The following LPP variants were observed in gnomAD, a reference collection of about 807,000 sequenced individuals.
LPP encodes the protein LIM domain containing preferred translocation partner in lipoma.
LPP carries 38 observed loss-of-function variants against 60.4 expected under a neutral mutation model. That is an observed-to-expected ratio of 0.63 (90% CI 0.49 to 0.83). LPP has a LOEUF of 0.83. Ranked by LOEUF, LPP falls within the 40% of genes least tolerant of loss-of-function variation. The pLI is 0.00. For synonymous variants in LPP, 328 were observed against 290.8 expected (o/e 1.13, Z -1.30); for missense variants, 902 against 783.6 (o/e 1.15, Z -1.80).
chr3:188,615,598 C>A (rs368542533), intron 7 of LPP, among the ~76,000 whole-genome samples: 1 of 152,128 alleles, frequency 6.6e-6, no homozygotes, highest in South Asian at 2.1e-4. Context: ...ACATTGTGTT[C>A]ACTTTGAAGA....
intron 1 of LPP, among the ~76,000 whole-genome samples, chr3:188,169,391 G>A (rs573091090): frequency 7.2e-5 from 11 of 152,286 alleles, no homozygotes; most frequent in African/African-American, 2.4e-4. Flanking sequence ...ATTCAGACAA[G>A]GCCCCTGCTC....
chr3:188,247,011 G>T (rs12486583), intron 2 of LPP: 20,726 of 169,166 alleles, frequency 0.12, 1,381 homozygotes, highest in African/African-American at 0.16. Flanking sequence ...AATAGAAAAA[G>T]AATTCTACTC....
intron 9 of LPP, among the ~76,000 whole-genome samples, chr3:188,856,062 C>T (rs1223264547): frequency 6.6e-6 from 1 of 152,152 alleles, no homozygotes; most frequent in Non-Finnish European, 1.5e-5. Context: ...TAAGATGGGG[C>T]TTCACAGGCG....
At chr3:188,622,203 G>A (rs1453927428) in intron 7 of LPP, among the ~76,000 whole-genome samples, 4 of 152,032 alleles carry the variant, frequency 2.6e-5, no homozygotes, top group Non-Finnish European at 5.9e-5. Flanking sequence ...TCACACCAGT[G>A]TCACTCATCT....
chr3:188,491,182 A>G (rs1175546669), intron 5 of LPP, among the ~76,000 whole-genome samples: 1 of 152,230 alleles, frequency 6.6e-6, no homozygotes, highest in Non-Finnish European at 1.5e-5. Context: ...TTCATTCATG[A>G]ACTCACAGAA....
chr3:188,731,331 C>T (rs573938957), intron 8 of LPP, among the ~76,000 whole-genome samples: 4 of 152,134 alleles, frequency 2.6e-5, no homozygotes, highest in Non-Finnish European at 5.9e-5. Flanking sequence ...GGTATTTCCA[C>T]TGTGGGAAAG....
At chr3:188,506,175 CAT>C (rs1409007070) in intron 5 of LPP, among the ~76,000 whole-genome samples, 2 of 152,176 alleles carry the variant, frequency 1.3e-5, no homozygotes, top group East Asian at 3.8e-4. Flanking sequence ...TTGATTGAGT[CAT>C]GTGATGTGGT....
chr3:188,775,668 A>G (rs1737516030), intron 9 of LPP, among the ~76,000 whole-genome samples: 1 of 152,212 alleles, frequency 6.6e-6, no homozygotes, highest in Non-Finnish European at 1.5e-5. Context: ...TGCTGGAATA[A>G]CGATGTGTTC....
intron 9 of LPP, among the ~76,000 whole-genome samples, chr3:188,768,231 A>T (rs1011683086): frequency 2.6e-5 from 4 of 152,142 alleles, no homozygotes; most frequent in Admixed American, 2.6e-4. Flanking sequence ...CCAAAGAACA[A>T]ATGATTTCTG....
intron 4 of LPP, among the ~76,000 whole-genome samples, chr3:188,474,572 G>A (rs559927703): frequency 2.6e-5 from 4 of 152,258 alleles, no homozygotes; most frequent in South Asian, 2.1e-4. Flanking sequence ...ACCACCACAG[G>A]GTAATGTCCC....
chr3:188,328,740 G>T (rs1391018071), intron 2 of LPP, among the ~76,000 whole-genome samples: 1 of 152,100 alleles, frequency 6.6e-6, no homozygotes, highest in African/African-American at 2.4e-5. Context: ...GTGTTTCATG[G>T]TACTTCCCAG....
intron 6 of LPP, among the ~76,000 whole-genome samples, chr3:188,543,442 G>A (rs749864999): frequency 5.3e-5 from 8 of 152,188 alleles, no homozygotes; most frequent in Non-Finnish European, 1.0e-4. Flanking sequence ...TCACAAGGCT[G>A]CAATCAAGGT....
intron 2 of LPP, among the ~76,000 whole-genome samples, chr3:188,234,226 G>A (rs1212231316): frequency 6.6e-6 from 1 of 152,164 alleles, no homozygotes; most frequent in African/African-American, 2.4e-5. Context: ...AAGGGGTTTT[G>A]ATAGTTCCCG....
At chr3:188,300,172 C>T (rs1027581636) in intron 2 of LPP, among the ~76,000 whole-genome samples, 1 of 151,686 alleles carries the variant, frequency 6.6e-6, no homozygotes, top group Non-Finnish European at 1.5e-5. Flanking sequence ...GTAATCTGTT[C>T]TCTTTTTTTA....
intron 2 of LPP, among the ~76,000 whole-genome samples, chr3:188,291,620 T>C (rs1577894293): frequency 1.6e-5 from 2 of 123,662 alleles, no homozygotes; most frequent in Admixed American, 1.1e-4. Flanking sequence ...CACTCCAGCC[T>C]GGGCGACAGA....
At chr3:188,290,698 G>A (rs556544723) in intron 2 of LPP, among the ~76,000 whole-genome samples, 8 of 152,324 alleles carry the variant, frequency 5.3e-5, no homozygotes, top group Non-Finnish European at 1.2e-4. Flanking sequence ...CTCTGTCCTT[G>A]ACCTTTGTTT....
At position 188,352,845 on chromosome 3, in the gene LPP, G is replaced by A. The variant is rs562179032; in HGVS notation, c.-10+11126G>A. 2.1e-4 allele frequency among the ~76,000 whole-genome samples: 32 copies of A among 152,292 alleles called. No individual in the cohort carries two copies. The highest frequency in any genetic ancestry group is 3.2e-4 in the Non-Finnish European group (22 of 68,022). Reference sequence around the variant, plus strand: ...AGTAACTCAGTGCAGAGGCAGCGACGGGAAAGTGAAGGAGAGTAAGAAGCC... The same window carrying A: ...AGTAACTCAGTGCAGAGGCAGCGACAGGAAAGTGAAGGAGAGTAAGAAGCC... On this transcript the variant is annotated intron_variant, in intron 3 of 11. Coordinates refer to ENST00000617246, the MANE Select transcript of LPP (RefSeq NM_001375462.1). The surrounding 1 kb of genome is among the most constrained non-coding windows in gnomAD (Gnocchi z 4.4).
intron 5 of LPP, among the ~76,000 whole-genome samples, chr3:188,496,560 C>T (rs1018545444): frequency 6.6e-6 from 1 of 152,228 alleles, no homozygotes; most frequent in Non-Finnish European, 1.5e-5. Context: ...TGAGGTTAAG[C>T]AGCATTCCAG....
chr3:188,564,335 T>C (rs997570531), intron 6 of LPP, among the ~76,000 whole-genome samples: 1 of 152,028 alleles, frequency 6.6e-6, no homozygotes, highest in Non-Finnish European at 1.5e-5. Context: ...GCCTAGCTTT[T>C]ATGATATTAC....
Sources: allele counts gnomAD v4.1 joint callset (sites outside exome capture counted in the v4.1 genomes callset), GRCh38; gene constraint gnomAD v4.1.1; non-coding constraint Gnocchi (gnomAD v3.1); transcripts MANE v1.5; gene names NCBI Gene and HGNC (gene_info 2026-07-23, HGNC 2026-07-21).